DPH7: variants seen among roughly 807,000 people sequenced by gnomAD.
The protein encoded by DPH7 is diphthamide biosynthesis 7.
In DPH7, 44 loss-of-function variants were observed where a neutral mutation model predicts 41.7. The observed-to-expected ratio is 1.05, with a 90% CI of 0.83 to 1.36. The LOEUF (loss-of-function observed/expected upper bound fraction) is 1.36, where lower values mean the gene tolerates loss of function less well. Among genes scored for constraint, DPH7 ranks in the 40% most tolerant of loss-of-function variants. The probability of loss-of-function intolerance (pLI) is 0.00; values close to 1 mark genes in which losing one functional copy is unlikely to be tolerated. For synonymous variants in DPH7, 275 were observed against 238.0 expected (o/e 1.16, Z -1.43); for missense variants, 629 against 577.5 (o/e 1.09, Z -0.91).
chr9:137,555,228 T>C lies in DPH7; in HGVS notation c.*11A>G. 1 of 1,574,824 alleles carries C rather than the reference T, an allele frequency of 6.3e-7. No homozygotes were observed. The highest frequency in any genetic ancestry group is 8.6e-7 in the Non-Finnish European group (1 of 1,157,908). On this transcript the variant is annotated 3_prime_UTR_variant, in exon 9 of 9. Transcript: ENST00000277540. ...GGTTTCCTTGTGGGAAGGGGCTTCA[T>C]GATTTCAAGCTCAGTTCCCCTCCCA... is the stretch of plus-strand genomic sequence containing the variant.
intron 8 of DPH7, 140 bp downstream of exon 8, chr9:137,564,294 G>C (rs78143222): frequency 1.9e-6 from 2 of 1,058,206 alleles, no homozygotes; most frequent in African/African-American, 3.2e-5. Context: ...TCTAGGGCGC[G>C]ACGCTGGGAG....
chr9:137,554,479 A>G lies in DPH7; in HGVS notation c.*760T>C, dbSNP rs1243899298. Among the ~76,000 whole-genome samples, 2 of 152,190 alleles carry G rather than the reference A, an allele frequency of 1.3e-5. No individual in the cohort carries two copies. The highest frequency in any genetic ancestry group is 2.9e-5 in the Non-Finnish European group (2 of 68,032). On this transcript the variant is annotated 3_prime_UTR_variant, in exon 9 of 9. Transcript: ENST00000277540. ...TACAATTTTTTATTATTTAATTTTT[A>G]GAGATAAGAGTCTTGCTCTGTTGCC...
intron 8 of DPH7, among the ~76,000 whole-genome samples, chr9:137,560,510 G>A (rs1838330284): frequency 6.6e-6 from 1 of 151,934 alleles, no homozygotes; most frequent in African/African-American, 2.4e-5. Flanking sequence ...CACAAAGTCA[G>A]GAGATCAAGA....
chr9:137,576,838 C>T (rs1028374267), intron 2 of DPH7, among the ~76,000 whole-genome samples: 3 of 151,326 alleles, frequency 2.0e-5, no homozygotes, highest in Non-Finnish European at 4.4e-5. Context: ...TGCAGTGAGC[C>T]GAGACCGCGC....
intron 2 of DPH7, 122 bp downstream of exon 2, chr9:137,577,348 A>C (rs1237885502): frequency 1.1e-5 from 11 of 1,012,548 alleles, no homozygotes; most frequent in Non-Finnish European, 1.6e-5. Context: ...TAGGCGGGAC[A>C]GCAAAGAAAC....
Position 137,574,388 on chromosome 9 carries a change from C to T in DPH7, c.468-8G>A, listed in dbSNP as rs1199072233. ...AAGGGCTGGTCCCCGGCCCTAGACA[C>T]AGGGAACCCATGAAGAAGCCCGGCA... On this transcript the variant is annotated splice_polypyrimidine_tract_variant and splice_region_variant and intron_variant, in intron 4 of 8. Transcript: ENST00000277540. The T allele has an allele frequency of 1.2e-6, 2 of 1,610,208 alleles. No individual in the cohort carries two copies. Among genetic ancestry groups the T allele is most frequent in the East Asian group, 2.2e-5 (1 of 44,794 alleles).
At chr9:137,577,032 C>T (rs1380730570) in intron 2 of DPH7, among the ~76,000 whole-genome samples, 1 of 138,768 alleles carries the variant, frequency 7.2e-6, no homozygotes, top group Non-Finnish European at 1.5e-5. Context: ...CCAGCCTGGG[C>T]AACGGAACAA....
At chr9:137,557,065 T>C (rs955300372) in intron 8 of DPH7, among the ~76,000 whole-genome samples, 1 of 152,184 alleles carries the variant, frequency 6.6e-6, no homozygotes, top group African/African-American at 2.4e-5. Flanking sequence ...GCGACCATCA[T>C]GCCCCCTAGT....
intron 8 of DPH7, among the ~76,000 whole-genome samples, chr9:137,563,106 C>CCA (rs1425771520): frequency 6.6e-6 from 1 of 152,172 alleles, no homozygotes; most frequent in Non-Finnish European, 1.5e-5. Flanking sequence ...AATTGCACCA[C>CCA]CACACTCCAG....
intron 8 of DPH7, among the ~76,000 whole-genome samples, chr9:137,562,306 G>A (rs564954100): frequency 5.9e-5 from 9 of 152,130 alleles, no homozygotes; most frequent in Non-Finnish European, 1.2e-4. Flanking sequence ...GTGCACAGGG[G>A]CACTCCCCAG....
Position 137,578,664 on chromosome 9 carries a change from C to T in DPH7, c.114G>A (p.Leu38=), listed in dbSNP as rs1323213746. The T allele has an allele frequency of 6.6e-7, 1 of 1,524,454 alleles. No individual in the cohort carries two copies. The highest frequency in any genetic ancestry group is 8.8e-7 in the Non-Finnish European group (1 of 1,138,332). The allele number at this position is 1,524,454 out of a possible 1,614,324, so 94.4% of individuals were successfully genotyped here. The part of the protein sequence containing the change: ...RHLLACGTYQ[L]RRPEDRPAGP... ...CGGCAGGCCGGTCCTCCGGCCGCCG[C>T]AGCTGGTAGGTCCCGCACGCCAGCA... Residue 38 remains leucine (L), a synonymous_variant, in exon 1 of 9, where the codon CTG becomes CTA. Transcript: ENST00000277540.
chr9:137,576,080 C>T lies in DPH7; in HGVS notation c.375G>A (p.Glu125=), dbSNP rs1187310306. 1 of 1,613,792 alleles carries T rather than the reference C, an allele frequency of 6.2e-7. No homozygotes were observed. The highest frequency in any genetic ancestry group is 1.3e-5 in the African/African-American group (1 of 74,944). The part of the protein sequence containing the change: ...SIQLLRLVES[E]KSHVLEPLSS... ...CACAGAACAAGTGCAAGTCACTGACCTCAGATTCCACCAGGCGGAGCAGTT... is the reference window on the plus strand; with the variant it reads ...CACAGAACAAGTGCAAGTCACTGACTTCAGATTCCACCAGGCGGAGCAGTT... Residue 125 remains glutamate (E), a splice_region_variant and synonymous_variant, in exon 3 of 9, where the codon GAG becomes GAA. Coordinates refer to ENST00000277540, the MANE Select transcript of DPH7 (RefSeq NM_138778.5).
chr9:137,564,375 G>A (rs1360226212), intron 8 of DPH7, 59 bp downstream of exon 8: 23 of 1,559,088 alleles, frequency 1.5e-5, no homozygotes, highest in South Asian at 2.4e-5. Context: ...CCAGCAGAGC[G>A]AGGGGGCAGG....
At chr9:137,575,935 A>C in intron 3 of DPH7, 145 bp downstream of exon 3, 1 of 1,459,508 alleles carries the variant, frequency 6.9e-7, no homozygotes, top group Non-Finnish European at 9.0e-7. Context: ...TTAAAAATAG[A>C]CTCCACATTA....
In DPH7 at chr9:137,556,735, A is replaced by G. The variant is rs1343032696; in HGVS notation, c.950-1087T>C. 2.2e-6 allele frequency: 1 copy of G among 445,128 alleles called. No homozygotes were observed. The highest frequency in any genetic ancestry group is 4.5e-6 in the Non-Finnish European group (1 of 221,280). 27.6% of individuals were successfully genotyped at this position (445,128 alleles called of 1,614,324 possible). ...ACTGTCCCTTGGGAGGTAGCGTCAC[A>G]GGGCAGGCAGGACCTCCGCTAGTCT... On this transcript the variant is annotated intron_variant, in intron 8 of 8. Coordinates refer to ENST00000277540, the MANE Select transcript of DPH7 (RefSeq NM_138778.5). This position sits in a 1 kb window ranked among gnomAD's most constrained non-coding sequence, Gnocchi z 5.2.
At chr9:137,573,403 G>A (rs1282494893) in intron 5 of DPH7, among the ~76,000 whole-genome samples, 1 of 146,576 alleles carries the variant, frequency 6.8e-6, no homozygotes, top group Non-Finnish European at 1.5e-5. Context: ...AGTGGGCCGG[G>A]TGCAGTGGCT....
intron 4 of DPH7, 76 bp downstream of exon 4, chr9:137,574,676 T>G: frequency 1.4e-6 from 2 of 1,409,262 alleles, no homozygotes; most frequent in Non-Finnish European, 2.0e-6. Flanking sequence ...TGAAGGTGGC[T>G]GGAGCCCTCT....
rs1195158398 is a variant in DPH7, at chr9:137,576,292, G to A, written c.288-125C>T. On this transcript the variant is annotated intron_variant, in intron 2 of 8. Coordinates refer to ENST00000277540, the MANE Select transcript of DPH7 (RefSeq NM_138778.5). ...CTGCAGTCCACGCAAACCCAGCTGGGACATCCTACTACACACCTTGATTAT... is the reference window on the plus strand; with the variant it reads ...CTGCAGTCCACGCAAACCCAGCTGGAACATCCTACTACACACCTTGATTAT... 1.2e-5 allele frequency: 9 copies of A among 754,586 alleles called. No homozygotes were observed. The Admixed American group carries it at 1.4e-4, about 12-fold the overall frequency. The allele number at this position is 754,586 out of a possible 1,614,324, so 46.7% of individuals were successfully genotyped here. A position where few individuals can be genotyped will look rare whatever the true frequency, so the allele number is the denominator to read the frequency against.
In DPH7 at chr9:137,578,505, C is replaced by T. The variant is rs958699501; in HGVS notation, c.153+120G>A. On this transcript the variant is annotated intron_variant, in intron 1 of 8. Transcript: ENST00000277540. ...TAAAAAGATTCTAAACTGTTTCCAG[C>T]CTACCTCCTGGCCAAAGGGCCAATA... is the stretch of plus-strand genomic sequence containing the variant. 2.2e-5 allele frequency: 26 copies of T among 1,171,118 alleles called. No homozygotes were observed. In the African/African-American group the frequency reaches 3.7e-4, roughly 17 times the overall value. 72.5% of individuals were successfully genotyped at this position (1,171,118 alleles called of 1,614,324 possible).
Sources: allele counts gnomAD v4.1 joint callset (sites outside exome capture counted in the v4.1 genomes callset), GRCh38; gene constraint gnomAD v4.1.1; non-coding constraint Gnocchi (gnomAD v3.1); transcripts MANE v1.5; gene names NCBI Gene and HGNC (gene_info 2026-07-23, HGNC 2026-07-21).